The following BPIFB6 variants were observed in gnomAD, a reference collection of about 807,000 sequenced individuals.
BPIFB6 encodes BPI fold containing family B member 6, also known as BPI fold-containing family B member 6.
In BPIFB6, 47 loss-of-function variants were observed where a neutral mutation model predicts 54.7. The observed-to-expected ratio is 0.86, with a 90% CI of 0.68 to 1.10. The LOEUF (loss-of-function observed/expected upper bound fraction) is 1.10, where lower values mean the gene tolerates loss of function less well. BPIFB6 is among the 50% of genes least tolerant of loss of function. The probability of loss-of-function intolerance (pLI) is 0.00; values close to 1 mark genes in which losing one functional copy is unlikely to be tolerated. For missense variants in BPIFB6, 603 were observed against 564.1 expected, an observed-to-expected ratio of 1.07 and a Z score of -0.70; for synonymous variants, 255 against 225.9, an observed-to-expected ratio of 1.13 and a Z score of -1.16.
rs1338948037 is a variant in BPIFB6, at chr20:33,034,796, C to A, written c.336C>A (p.Ala112=). The change falls in exon 4 of 15, where the codon GCC becomes GCA. Residue 112 remains alanine (A), a synonymous_variant. Coordinates refer to ENST00000349552, the MANE Select transcript of BPIFB6 (RefSeq NM_174897.2). ...FMGGNMEIIV[A]LNITATNRLL... ...GAGGGAACATGGAGATCATCGTGGCCCTGAACATCACAGCCACCAACCGGC... is the reference window on the plus strand; with the variant it reads ...GAGGGAACATGGAGATCATCGTGGCACTGAACATCACAGCCACCAACCGGC... The A allele has an allele frequency of 2.5e-6, 4 of 1,613,534 alleles. No homozygotes were observed. The highest frequency in any genetic ancestry group is 3.4e-6 in the Non-Finnish European group (4 of 1,179,628).
chr20:33,037,659 T>C lies in BPIFB6; in HGVS notation c.767T>C (p.Leu256Pro). Residue 256 changes from leucine (L) to proline (P), a missense_variant, in exon 8 of 15, where the codon CTG (leucine) becomes CCG (proline). Leu to Pro is a moderately conservative substitution (Grantham distance 98, BLOSUM62 -3). Coordinates refer to ENST00000349552, the MANE Select transcript of BPIFB6 (RefSeq NM_174897.2). ...PEGYAKGSSQLLLPATFLSAE... is the reference protein window; with the variant it reads ...PEGYAKGSSQPLLPATFLSAE... ...GGTTATGCCAAAGGCTCGTCGCAGC[T>C]GCTGCTCCCAGCCACCTTCCTCTCT... 1 of 1,614,180 alleles carries C rather than the reference T, an allele frequency of 6.2e-7. No homozygotes were observed. Among genetic ancestry groups the C allele is most frequent in the Non-Finnish European group, 8.5e-7 (1 of 1,180,028 alleles).
chr20:33,033,777 G>A (rs2070316), intron 2 of BPIFB6, among the ~76,000 whole-genome samples: 75,292 of 152,018 alleles, frequency 0.5, 19,036 homozygotes, highest in East Asian at 0.8. Context: ...GGCTGAGGTC[G>A]GAGATGCTAT....
chr20:33,034,285 C>T lies in BPIFB6; in HGVS notation c.297C>T (p.Gly99=), dbSNP rs1568985110. ...TGTCCACAGGCATGACCGTCACTGGCAAGAGGTGAGTGTGGCAGGGGAGGG... is the reference window on the plus strand; with the variant it reads ...TGTCCACAGGCATGACCGTCACTGGTAAGAGGTGAGTGTGGCAGGGGAGGG... The part of the protein sequence containing the change: ...QCVSTGMTVT[G]KSFMGGNMEI... Residue 99 remains glycine, a synonymous_variant, in exon 3 of 15, where the codon GGC becomes GGT. Transcript: ENST00000349552. 1.9e-6 allele frequency: 3 copies of T among 1,610,562 alleles called. No homozygotes were observed. Among genetic ancestry groups the T allele is most frequent in the Non-Finnish European group, 1.7e-6 (2 of 1,176,930 alleles).
Position 33,031,707 on chromosome 20 carries a change from T to C in BPIFB6, c.60T>C (p.Pro20=). Residue 20 remains proline (P), a synonymous_variant, in exon 1 of 15, where the codon CCT becomes CCC. Coordinates refer to ENST00000349552, the MANE Select transcript of BPIFB6 (RefSeq NM_174897.2). ...TGCTGACTGGCACGCGAGCTGACCC[T>C]GGGGCACTGCTGCGGTTGGGCATGG... ...CSLLTGTRAD[P]GALLRLGMDI... The C allele has an allele frequency of 1.2e-6, 2 of 1,614,054 alleles. No homozygotes were observed. Among genetic ancestry groups the C allele is most frequent in the Non-Finnish European group, 1.7e-6 (2 of 1,179,978 alleles).
In BPIFB6 at chr20:33,036,497, A is replaced by G; in HGVS notation, c.630A>G (p.Ala210=). The change falls in exon 7 of 15, where the codon GCA becomes GCG. Residue 210 remains alanine, a synonymous_variant. Transcript: ENST00000349552. ...MGTVKYVLMS[A]PATTASYIQL... ...CCGTCAAATATGTTCTGATGTCCGCACCAGCCACCACAGCCAGCTACATCC... is the reference window on the plus strand; with the variant it reads ...CCGTCAAATATGTTCTGATGTCCGCGCCAGCCACCACAGCCAGCTACATCC... 6.2e-6 allele frequency: 10 copies of G among 1,613,962 alleles called. No individual in the cohort carries two copies. Among genetic ancestry groups the G allele is most frequent in the Non-Finnish European group, 8.5e-6 (10 of 1,180,004 alleles).
intron 10 of BPIFB6, 145 bp from the exon 11 acceptor site, chr20:33,040,106 C>T: frequency 9.4e-6 from 7 of 742,058 alleles, no homozygotes; most frequent in African/African-American, 3.4e-5. Context: ...TGGCTGGGTT[C>T]AGTTCCTGAG....
At chr20:33,034,988 G>T in intron 4 of BPIFB6, 76 bp downstream of exon 4, 1 of 1,606,560 alleles carries the variant, frequency 6.2e-7, no homozygotes, top group Non-Finnish European at 8.5e-7. Context: ...CCTGAGCCAT[G>T]GAACCCCCTT....
intron 10 of BPIFB6, 59 bp from the exon 11 acceptor site, chr20:33,040,192 G>A: frequency 6.6e-7 from 1 of 1,513,194 alleles, no homozygotes. Context: ...CTCTGGCTTT[G>A]CCAGCCCTGA....
At position 33,036,447 on chromosome 20, in the gene BPIFB6, C is replaced by G; in HGVS notation, c.580C>G (p.Pro194Ala). ...AGTGGAACCTCCTTTTCACACAGAC[C>G]CCATGCCTGTGGGCCAGATGGGCAC... ...VNRKWTNLSD[P>A]MPVGQMGTVK... The change falls in exon 7 of 15, where the codon CCC becomes GCC. Residue 194 changes from proline (P) to alanine (A), a missense_variant and splice_region_variant. Coordinates refer to ENST00000349552, the MANE Select transcript of BPIFB6 (RefSeq NM_174897.2). The G allele has an allele frequency of 1.2e-6, 2 of 1,612,062 alleles. No individual in the cohort carries two copies. The highest frequency in any genetic ancestry group is 1.7e-6 in the Non-Finnish European group (2 of 1,178,932).
chr20:33,038,772 A>G, intron 8 of BPIFB6, 137 bp from the exon 9 acceptor site: 1 of 838,378 alleles, frequency 1.2e-6, no homozygotes, highest in Non-Finnish European at 2.0e-6. Flanking sequence ...AAGGCACAAT[A>G]TTTAGTTAAA....
At chr20:33,037,463 T>C (rs919610438) in intron 7 of BPIFB6, 99 bp from the exon 8 acceptor site, 42 of 1,199,914 alleles carry the variant, frequency 3.5e-5, no homozygotes, top group Non-Finnish European at 4.6e-5. Flanking sequence ...TTGCTGACTT[T>C]GGGTTTGGCT....
chr20:33,041,668 C>A (rs1979592259), intron 11 of BPIFB6, among the ~76,000 whole-genome samples: 2 of 152,156 alleles, frequency 1.3e-5, no homozygotes, highest in African/African-American at 4.8e-5. Flanking sequence ...GGGCTGTAAA[C>A]CTCTGCATAG....
At chr20:33,041,940 C>A (rs376827430) in intron 11 of BPIFB6, 30 bp from the exon 12 acceptor site, 4 of 1,612,068 alleles carry the variant, frequency 2.5e-6, no homozygotes, top group Non-Finnish European at 8.5e-7. Flanking sequence ...TTCCCCTCCC[C>A]GCCTGGCTTG....
chr20:33,033,633 TG>T (rs1279189027), intron 2 of BPIFB6: 2 of 456,698 alleles, frequency 4.4e-6, no homozygotes. Context: ...CCACATCTTT[TG>T]TTACCCTGGA....
chr20:33,042,747 G>A, intron 12 of BPIFB6, 68 bp from the exon 13 acceptor site: 1 of 1,450,352 alleles, frequency 6.9e-7, no homozygotes, highest in Non-Finnish European at 9.6e-7. Flanking sequence ...GCCAGAGAGG[G>A]CTGAAAAGAT....
intron 2 of BPIFB6, chr20:33,033,463 T>A (rs1979192003): frequency 2.2e-6 from 1 of 454,388 alleles, no homozygotes; most frequent in Admixed American, 2.4e-5. Context: ...AGGAAACTGG[T>A]TCCTCTGCCA....
At position 33,031,712 on chromosome 20, in the gene BPIFB6, C is replaced by T. The variant is rs765857458; in HGVS notation, c.65C>T (p.Ala22Val). Residue 22 changes from alanine (A) to valine (V), a missense_variant, in exon 1 of 15, where the codon GCA becomes GTA. By Grantham distance (64) the Ala-to-Val change is moderately conservative. Coordinates refer to ENST00000349552, the MANE Select transcript of BPIFB6 (RefSeq NM_174897.2). ...LLTGTRADPG[A>V]LLRLGMDIMN... ...ACTGGCACGCGAGCTGACCCTGGGGCACTGCTGCGGTTGGGCATGGACATC... is the reference window on the plus strand; with the variant it reads ...ACTGGCACGCGAGCTGACCCTGGGGTACTGCTGCGGTTGGGCATGGACATC... 2.3e-5 allele frequency: 37 copies of T among 1,614,000 alleles called. No individual in the cohort carries two copies. The South Asian group carries it at 4.1e-4, about 18-fold the overall frequency.
intron 2 of BPIFB6, chr20:33,033,614 G>T (rs1338386862): frequency 2.2e-6 from 1 of 456,712 alleles, no homozygotes. Flanking sequence ...GCAAGTGGGG[G>T]TATGTGTGCC....
chr20:33,032,867 A>T (rs1979163639), intron 1 of BPIFB6, 117 bp from the exon 2 acceptor site: 4 of 756,754 alleles, frequency 5.3e-6, no homozygotes, highest in Non-Finnish European at 9.2e-6. Flanking sequence ...TGTGGGACTC[A>T]TCTCTGGGTC....
Sources: gnomAD v4.1 joint callset for allele counts (sites outside exome capture counted in the v4.1 genomes callset) on GRCh38, gnomAD v4.1.1 for gene constraint, MANE v1.5 for transcripts, NCBI Gene and HGNC (gene_info 2026-07-23, HGNC 2026-07-21) for gene names.